The following VPS13C variants were observed in gnomAD, a reference collection of about 807,000 sequenced individuals.
The protein encoded by VPS13C is intermembrane lipid transfer protein VPS13C.
VPS13C carries 358 observed loss-of-function variants against 456.8 expected under a neutral mutation model. That is an observed-to-expected ratio of 0.78 (90% CI 0.72 to 0.86). The LOEUF is 0.86. Among genes scored for constraint, VPS13C ranks in the 40% least tolerant of loss-of-function variants. The pLI, the probability that VPS13C is intolerant of heterozygous loss-of-function variation, is 0.00. For missense variants in VPS13C, 4,818 were observed against 4,385.4 expected (o/e 1.10, Z -2.79); for synonymous variants, 1,578 against 1,486.7 (o/e 1.06, Z -1.41).
intron 16 of VPS13C, among the ~76,000 whole-genome samples, chr15:61,993,028 G>T (rs1472716881): frequency 6.6e-6 from 1 of 151,918 alleles, no homozygotes; most frequent in Non-Finnish European, 1.5e-5. Flanking sequence ...GAGCTTTTTT[G>T]GAAATGACAC....
chr15:61,861,475 T>C (rs1296042299), intron 82 of VPS13C, among the ~76,000 whole-genome samples: 2 of 152,202 alleles, frequency 1.3e-5, no homozygotes, highest in African/African-American at 4.8e-5. Flanking sequence ...TTTTACTATC[T>C]GTCCCTTTAA....
intron 66 of VPS13C, among the ~76,000 whole-genome samples, chr15:61,895,558 A>G (rs2140090859): frequency 6.6e-6 from 1 of 152,346 alleles, no homozygotes; most frequent in South Asian, 2.1e-4. Flanking sequence ...ATTAGAGACT[A>G]TTATGAACAA....
At position 62,033,425 on chromosome 15, in the gene VPS13C, C is replaced by CA. The variant is rs1221507257; in HGVS notation, c.385+15dup. On this transcript the variant is annotated intron_variant, in intron 5 of 84. Coordinates refer to ENST00000644861, the MANE Select transcript of VPS13C (RefSeq NM_020821.3). Reference sequence around the variant, plus strand: ...AATATAGGTATGTCTAAGTTTATCTCAAAAAAACTTTTTACCTTTTTCTGC... The same window carrying CA: ...AATATAGGTATGTCTAAGTTTATCTCAAAAAAAACTTTTTACCTTTTTCTGC... The CA allele has an allele frequency of 3.2e-6, 5 of 1,568,294 alleles. No individual in the cohort carries two copies. The highest frequency in any genetic ancestry group is 2.3e-5 in the South Asian group (2 of 85,580).
At chr15:62,037,441 ATT>A (rs2048094355) in intron 3 of VPS13C, among the ~76,000 whole-genome samples, 1 of 126,088 alleles carries the variant, frequency 7.9e-6, no homozygotes, top group South Asian at 2.2e-4. Flanking sequence ...TATAATATAT[ATT>A]AAATAAATAT....
chr15:61,914,703 G>T (rs886791956), intron 61 of VPS13C, among the ~76,000 whole-genome samples: 1 of 151,082 alleles, frequency 6.6e-6, no homozygotes, highest in African/African-American at 2.4e-5. Flanking sequence ...TGAGATTACA[G>T]GCATCTGCCA....
chr15:62,041,234 T>C (rs1192673675), intron 3 of VPS13C, 90 bp downstream of exon 3: 17 of 1,399,304 alleles, frequency 1.2e-5, no homozygotes, highest in Non-Finnish European at 2.0e-6. Context: ...TCTCACACTT[T>C]TAATCAAAGA....
intron 78 of VPS13C, 148 bp from the exon 79 acceptor site, chr15:61,872,182 C>T (rs1895084566): frequency 1.7e-6 from 1 of 572,266 alleles, no homozygotes; most frequent in Non-Finnish European, 3.0e-6. Context: ...ACAACATACA[C>T]ATATAAGTTA....
intron 9 of VPS13C, among the ~76,000 whole-genome samples, chr15:62,017,076 A>C (rs2047278943): frequency 6.6e-6 from 1 of 152,150 alleles, no homozygotes. Context: ...TCTTCTTTTG[A>C]GAAGCGTCTT....
intron 18 of VPS13C, among the ~76,000 whole-genome samples, chr15:61,989,355 C>A (rs775650104): frequency 6.6e-6 from 1 of 151,814 alleles, no homozygotes; most frequent in Non-Finnish European, 1.5e-5. Flanking sequence ...AAGCCAAGAT[C>A]GTGCCACTGC....
chr15:61,954,516 C>A lies in VPS13C; in HGVS notation c.4204G>T (p.Asp1402Tyr). Residue 1402 changes from aspartate (D) to tyrosine (Y), a missense_variant, in exon 38 of 85, where the codon GAT becomes TAT. Transcript: ENST00000644861. ...KEPLEISISQ[D>Y]VHDSKNTLTT... Reference sequence around the variant, plus strand: ...AAAGTATTTTTTGAATCATGTACATCTTGTGATATAGAGATTTCAAGGGGC... The same window carrying A: ...AAAGTATTTTTTGAATCATGTACATATTGTGATATAGAGATTTCAAGGGGC... 6.2e-7 allele frequency: 1 copy of A among 1,605,612 alleles called. No homozygotes were observed. Among genetic ancestry groups the A allele is most frequent in the Non-Finnish European group, 8.5e-7 (1 of 1,176,520 alleles).
chr15:62,051,398 A>C (rs1021119821), intron 1 of VPS13C, among the ~76,000 whole-genome samples: 3 of 152,356 alleles, frequency 2.0e-5, no homozygotes, highest in African/African-American at 7.2e-5. Context: ...GGTTGTATAC[A>C]TTAAGCAATA....
intron 16 of VPS13C, among the ~76,000 whole-genome samples, chr15:61,993,806 A>C (rs926221067): frequency 6.6e-6 from 1 of 152,194 alleles, no homozygotes; most frequent in African/African-American, 2.4e-5. Flanking sequence ...CTGTCACAGA[A>C]CTATACACAC....
rs767495471 is a variant in VPS13C, at chr15:61,929,689, T to C, written c.6098A>G (p.Lys2033Arg). Residue 2033 changes from lysine (K) to arginine (R), a missense_variant, in exon 51 of 85, where the codon AAA becomes AGA. By Grantham distance (26) the Lys-to-Arg change is conservative. This residue lies in a region of VPS13C where 4,552 missense variants were observed against 4,130.6 expected (regional missense o/e 1.10). Transcript: ENST00000644861. ...AATTTGACTTCCATTTTTGTCTTGT[T>C]TGTAACTTATATCAATCATAGAACT... ...NNSSMIDISY[K>R]QDKNGSQIDA... 5.6e-6 allele frequency: 9 copies of C among 1,613,906 alleles called. No homozygotes were observed. Among genetic ancestry groups the C allele is most frequent in the Non-Finnish European group, 3.4e-6 (4 of 1,179,952 alleles).
intron 16 of VPS13C, among the ~76,000 whole-genome samples, chr15:61,996,803 G>T (rs2046396869): frequency 6.7e-6 from 1 of 149,880 alleles, no homozygotes. Context: ...AAATTATCTA[G>T]CCTTAGAGAG....
intron 66 of VPS13C, among the ~76,000 whole-genome samples, chr15:61,900,528 A>T (rs1363534158): frequency 2.0e-5 from 3 of 152,140 alleles, no homozygotes; most frequent in African/African-American, 7.2e-5. Context: ...AAGAGAATAA[A>T]ATACCTAGGA....
Position 61,867,929 on chromosome 15 carries a change from C to A in VPS13C, c.10863+730G>T, listed in dbSNP as rs747685867. On this transcript the variant is annotated intron_variant, in intron 81 of 84. Transcript: ENST00000644861. The surrounding 1 kb of genome is among the most constrained non-coding windows in gnomAD (Gnocchi z 5.0). ...AGTAGTAGTTTAGGAAACATTTATT[C>A]CTGTATTTCCAGTTCTTGCTGTGCA... 8.7e-6 allele frequency: 14 copies of A among 1,605,298 alleles called. No homozygotes were observed. In the South Asian group the frequency reaches 1.3e-4, roughly 15 times the overall value.
chr15:61,961,335 T>C (rs1269273310), intron 35 of VPS13C, among the ~76,000 whole-genome samples: 1 of 149,456 alleles, frequency 6.7e-6, no homozygotes, highest in Non-Finnish European at 1.5e-5. Context: ...GAGGTTGCAG[T>C]GAGCCGAGAT....
Position 61,917,357 on chromosome 15 carries a change from A to G in VPS13C, c.8039T>C (p.Leu2680Pro). 1 of 1,613,258 alleles carries G rather than the reference A, an allele frequency of 6.2e-7. No homozygotes were observed. The highest frequency in any genetic ancestry group is 1.3e-5 in the African/African-American group (1 of 75,052). ...GAGACATACCTCAAGTAAATATCTT[A>G]GGGAATATGGGAGAAGATTCCGCAA... ...LTLRNLLPYSLRYLLEGTAET... is the reference protein window; with the variant it reads ...LTLRNLLPYSPRYLLEGTAET... Residue 2680 changes from leucine to proline, a missense_variant, in exon 60 of 85, where the codon CTA becomes CCA. Leu to Pro is a moderately conservative substitution (Grantham distance 98). Transcript: ENST00000644861.
intron 28 of VPS13C, 51 bp downstream of exon 28, chr15:61,969,247 CA>C (rs2045472539): frequency 7.4e-7 from 1 of 1,343,874 alleles, no homozygotes; most frequent in Non-Finnish European, 1.0e-6. Context: ...TTCAGATACT[CA>C]AAAGTCCTAT....
Sources: gnomAD v4.1 joint callset for allele counts (sites outside exome capture counted in the v4.1 genomes callset) on GRCh38, gnomAD v4.1.1 for gene constraint, gnomAD v4.1.1 regional missense constraint, Gnocchi (gnomAD v3.1) non-coding constraint, MANE v1.5 for transcripts, NCBI Gene and HGNC (gene_info 2026-07-23, HGNC 2026-07-21) for gene names.